Variants in SLCO5A1 observed in about 807,000 individuals in gnomAD.
SLCO5A1 encodes the protein organic anion transporter polypeptide-related protein 4.
SLCO5A1 carries 39 observed loss-of-function variants against 65.1 expected under a neutral mutation model. That is an observed-to-expected ratio of 0.60 (90% CI 0.46 to 0.78). The LOEUF (loss-of-function observed/expected upper bound fraction) is 0.78, where lower values mean the gene tolerates loss of function less well. Among genes scored for constraint, SLCO5A1 ranks in the 30% least tolerant of loss-of-function variants. The probability of loss-of-function intolerance (pLI) is 0.00; values close to 1 mark genes in which losing one functional copy is unlikely to be tolerated. For missense variants in SLCO5A1, 1,029 were observed against 1,069.4 expected, an observed-to-expected ratio of 0.96 and a Z score of 0.53; for synonymous variants, 438 against 415.7, an observed-to-expected ratio of 1.05 and a Z score of -0.65.
intron 2 of SLCO5A1, among the ~76,000 whole-genome samples, chr8:69,787,666 C>T (rs1586800525): frequency 6.6e-6 from 1 of 152,142 alleles, no homozygotes; most frequent in East Asian, 1.9e-4. Context: ...TTGAAAATAG[C>T]CTCAAATCAG....
intron 2 of SLCO5A1, among the ~76,000 whole-genome samples, chr8:69,828,452 A>T (rs547279714): frequency 6.6e-6 from 1 of 152,110 alleles, no homozygotes; most frequent in South Asian, 2.1e-4. Context: ...AATACAAAAA[A>T]TTAGCTGGGC....
intron 2 of SLCO5A1, among the ~76,000 whole-genome samples, chr8:69,813,776 C>T (rs745648835): frequency 6.6e-6 from 1 of 152,124 alleles, no homozygotes; most frequent in Admixed American, 6.6e-5. Flanking sequence ...ACTTAAGAGG[C>T]GACAGGAATC....
intron 7 of SLCO5A1, among the ~76,000 whole-genome samples, chr8:69,680,728 T>C (rs999034242): frequency 4.6e-5 from 7 of 152,236 alleles, no homozygotes; most frequent in African/African-American, 1.7e-4. Flanking sequence ...GTGTCTAAGT[T>C]AATATACATT....
intron 4 of SLCO5A1, among the ~76,000 whole-genome samples, chr8:69,750,057 G>C (rs1279441141): frequency 6.6e-6 from 1 of 152,200 alleles, no homozygotes; most frequent in Non-Finnish European, 1.5e-5. Flanking sequence ...GAGCCCAGTG[G>C]GGCTGAAGCA....
intron 2 of SLCO5A1, among the ~76,000 whole-genome samples, chr8:69,831,088 C>T (rs1293980074): frequency 1.3e-5 from 2 of 152,200 alleles, no homozygotes; most frequent in East Asian, 1.9e-4. Flanking sequence ...GCCTGACAAA[C>T]ATGGTGAAAC....
chr8:69,716,455 A>G (rs1815544214), intron 5 of SLCO5A1, among the ~76,000 whole-genome samples: 1 of 152,208 alleles, frequency 6.6e-6, no homozygotes, highest in Admixed American at 6.5e-5. Context: ...TAAGGATTCC[A>G]ATTTCTACAC....
intron 2 of SLCO5A1, among the ~76,000 whole-genome samples, chr8:69,782,371 C>CAGG (rs1194508609): frequency 2.6e-5 from 4 of 151,940 alleles, no homozygotes; most frequent in African/African-American, 9.7e-5. Context: ...TGCTTGAGAC[C>CAGG]AGGAGTTCAA....
chr8:69,667,961 G>A lies in SLCO5A1; in HGVS notation c.*4908C>T, dbSNP rs1302213571. 1 of 152,178 alleles carries A rather than the reference G, an allele frequency of 6.6e-6. No individual in the cohort carries two copies. The highest frequency in any genetic ancestry group is 1.5e-5 in the Non-Finnish European group (1 of 68,024). 9.4% of individuals were successfully genotyped at this position (152,178 alleles called of 1,614,324 possible). A position where few individuals can be genotyped will look rare whatever the true frequency, so the allele number is the denominator to read the frequency against. On this transcript the variant is annotated 3_prime_UTR_variant, in exon 10 of 10. Coordinates refer to ENST00000260126, the MANE Select transcript of SLCO5A1 (RefSeq NM_030958.3). Reference sequence around the variant, plus strand: ...GATTTCCAAACACAAAGTACATGCAGCCACTTAGCAGTGAAATACTGTGAA... The same window carrying A: ...GATTTCCAAACACAAAGTACATGCAACCACTTAGCAGTGAAATACTGTGAA...
In SLCO5A1 at chr8:69,832,381, C is replaced by A; in HGVS notation, c.293G>T (p.Arg98Met). 1.2e-6 allele frequency: 2 copies of A among 1,613,424 alleles called. No individual in the cohort carries two copies. Among genetic ancestry groups the A allele is most frequent in the East Asian group, 2.2e-5 (1 of 44,876 alleles). The stretch of plus-strand genomic sequence containing the variant: ...CGAGAAGGTTTTGCTGAGGTCCACC[C>A]TGTGGTTACAGTCCCCGAGCCCCGC... ...TSAGLGDCNH[R>M]VDLSKTFSVS... The change falls in exon 2 of 10, where the codon AGG becomes ATG. Residue 98 changes from arginine (R) to methionine (M), a missense_variant. Physicochemically the swap from Arg to Met is moderately conservative, Grantham distance 91. This residue lies in a region of SLCO5A1 where 647 missense variants were observed against 647.5 expected (regional missense o/e 1.00). Coordinates refer to ENST00000260126, the MANE Select transcript of SLCO5A1 (RefSeq NM_030958.3). The surrounding 1 kb of genome is among the most constrained non-coding windows in gnomAD (Gnocchi z 4.5).
At chr8:69,784,895 GAAGAAAGAAAGAAAGA>G (rs200219200) in intron 2 of SLCO5A1, among the ~76,000 whole-genome samples, 1,767 of 84,932 alleles carry the variant, frequency 0.021, 32 homozygotes, top group African/African-American at 0.033. Flanking sequence ...AAGAAGAAAG[GAAGAAAGAAAGAAAGA>G]AAGAAAGAAA....
intron 5 of SLCO5A1, among the ~76,000 whole-genome samples, chr8:69,726,496 CTTTTTT>C (rs1554613253): frequency 8.7e-6 from 1 of 115,026 alleles, no homozygotes. Flanking sequence ...TTCCTACCTC[CTTTTTT>C]TTTTTTTTTT....
Position 69,755,464 on chromosome 8 carries a change from G to C in SLCO5A1, c.1218C>G (p.Asp406Glu). The change falls in exon 4 of 10, where the codon GAC (aspartate) becomes GAG (glutamate). Residue 406 changes from aspartate (D) to glutamate (E), a missense_variant. Coordinates refer to ENST00000260126, the MANE Select transcript of SLCO5A1 (RefSeq NM_030958.3). ...KEKSNNSEQA[D>E]KKVSSMGFGK... is the part of the protein sequence containing the mutation. ...CAAATCCCATCGAAGAAACTTTTTT[G>C]TCCGCTTGTTCACTGTTGTTTGATT... is the stretch of plus-strand genomic sequence containing the variant. 1 of 1,613,904 alleles carries C rather than the reference G, an allele frequency of 6.2e-7. No homozygotes were observed. The highest frequency in any genetic ancestry group is 8.5e-7 in the Non-Finnish European group (1 of 1,179,950).
chr8:69,785,641 A>T (rs115244934), intron 2 of SLCO5A1, among the ~76,000 whole-genome samples: 1,782 of 152,308 alleles, frequency 0.012, 31 homozygotes, highest in African/African-American at 0.039. Flanking sequence ...AATGTACCCA[A>T]GTCACAAAAC....
intron 5 of SLCO5A1, among the ~76,000 whole-genome samples, chr8:69,705,814 A>G (rs1159132187): frequency 1.3e-5 from 2 of 152,252 alleles, no homozygotes; most frequent in Non-Finnish European, 2.9e-5. Context: ...TAAAGATGTA[A>G]CGTACTGGGA....
chr8:69,783,118 C>A (rs549310027), intron 2 of SLCO5A1, among the ~76,000 whole-genome samples: 1 of 152,106 alleles, frequency 6.6e-6, no homozygotes, highest in African/African-American at 2.4e-5. Context: ...TAACAATGAT[C>A]ATTATTGTTA....
At chr8:69,707,167 A>C (rs549154191) in intron 5 of SLCO5A1, among the ~76,000 whole-genome samples, 8 of 152,224 alleles carry the variant, frequency 5.3e-5, no homozygotes, top group African/African-American at 1.9e-4. Context: ...AAAATAAAAT[A>C]AAGAAATCAT....
chr8:69,738,450 C>T (rs1816660010), intron 4 of SLCO5A1, among the ~76,000 whole-genome samples: 1 of 151,466 alleles, frequency 6.6e-6, no homozygotes, highest in Non-Finnish European at 1.5e-5. Flanking sequence ...CATACCCATA[C>T]ACAAATATCC....
chr8:69,829,306 A>G (rs1243734647), intron 2 of SLCO5A1, among the ~76,000 whole-genome samples: 2 of 152,214 alleles, frequency 1.3e-5, no homozygotes, highest in Non-Finnish European at 1.5e-5. Flanking sequence ...AAGTCACACC[A>G]TGAGGAAATG....
In SLCO5A1 at chr8:69,670,197, CA is replaced by C. The variant is rs148122704; in HGVS notation, c.*2671del. On this transcript the variant is annotated 3_prime_UTR_variant, in exon 10 of 10. Transcript: ENST00000260126. ...TTATAAAGGACAAGATGACCTTTTC[CA>C]AAACAAGTAATTTGAAGCCTAAGCT... 1.5e-3 allele frequency: 227 copies of C among 152,234 alleles called. No individual in the cohort carries two copies. Among genetic ancestry groups the C allele is most frequent in the African/African-American group, 5.2e-3 (217 of 41,530 alleles). 9.4% of individuals were successfully genotyped at this position (152,234 alleles called of 1,614,324 possible).
Sources: allele counts gnomAD v4.1 joint callset (sites outside exome capture counted in the v4.1 genomes callset), GRCh38; gene constraint gnomAD v4.1.1; regional missense constraint gnomAD v4.1.1; non-coding constraint Gnocchi (gnomAD v3.1); transcripts MANE v1.5; gene names NCBI Gene and HGNC (gene_info 2026-07-23, HGNC 2026-07-21).